Variants in PCDHGA1 observed in about 807,000 individuals in gnomAD.
PCDHGA1 encodes protocadherin gamma subfamily A, 1.
In PCDHGA1, 32 loss-of-function variants were observed where a neutral mutation model predicts 58.0. The observed-to-expected ratio is 0.55, with a 90% CI of 0.42 to 0.74. The LOEUF (loss-of-function observed/expected upper bound fraction) is 0.74, where lower values mean the gene tolerates loss of function less well. Among genes scored for constraint, PCDHGA1 ranks in the 30% least tolerant of loss-of-function variants. PCDHGA1 has a pLI of 0.00. For synonymous variants in PCDHGA1, 498 were observed against 501.1 expected (o/e 0.99, Z 0.08); for missense variants, 1,205 against 1,182.3 (o/e 1.02, Z -0.28).
At chr5:141,360,165 G>T in intron 1 of PCDHGA1, 1 of 1,607,726 alleles carries the variant, frequency 6.2e-7, no homozygotes. Flanking sequence ...GGTGCGGGCT[G>T]GTGCGGTGGC....
At chr5:141,362,492 C>T (rs369530205) in intron 1 of PCDHGA1, 4 of 1,613,902 alleles carry the variant, frequency 2.5e-6, no homozygotes, top group East Asian at 2.2e-5. Flanking sequence ...GACAATGCCT[C>T]TTGGGAACAA....
intron 1 of PCDHGA1, chr5:141,471,417 T>A (rs1174855045): frequency 6.6e-6 from 1 of 152,190 alleles, no homozygotes; most frequent in Non-Finnish European, 1.5e-5. Flanking sequence ...GTTATGTTTT[T>A]AGCAAGGAAA....
intron 1 of PCDHGA1, chr5:141,383,092 C>G (rs200016406): frequency 6.2e-7 from 1 of 1,613,932 alleles, no homozygotes; most frequent in South Asian, 1.1e-5. Context: ...GCGCGGAGTC[C>G]GCATCATCTC....
rs779542409 is a variant in PCDHGA1, at chr5:141,392,788, T to G, written c.2421+59683T>G. The G allele has an allele frequency of 3.9e-6, 6 of 1,553,762 alleles. No individual in the cohort carries two copies. The East Asian group carries it at 1.1e-4, about 30-fold the overall frequency. On this transcript the variant is annotated intron_variant, in intron 1 of 3. Coordinates refer to ENST00000517417, the MANE Select transcript of PCDHGA1 (RefSeq NM_018912.3). ...ACCCATTTATGCACAGTGAAGATTC[T>G]GAGAGGATTCTGCAGCAAAACAACA...
chr5:141,384,752 C>A, intron 1 of PCDHGA1: 1 of 1,614,024 alleles, frequency 6.2e-7, no homozygotes, highest in East Asian at 2.2e-5. Flanking sequence ...GGACTCTTTG[C>A]GGTTGGGCTG....
At chr5:141,479,953 CAGTT>C (rs1198160373) in intron 1 of PCDHGA1, among the ~76,000 whole-genome samples, 1 of 152,182 alleles carries the variant, frequency 6.6e-6, no homozygotes, top group African/African-American at 2.4e-5. Flanking sequence ...TTGGATTTGG[CAGTT>C]AGTCAAATGA....
intron 1 of PCDHGA1, chr5:141,419,118 T>C: frequency 6.2e-7 from 1 of 1,613,806 alleles, no homozygotes; most frequent in South Asian, 1.1e-5. Context: ...GAGTACAACG[T>C]CACCATCGCA....
chr5:141,413,824 A>C, intron 1 of PCDHGA1: 1 of 1,613,112 alleles, frequency 6.2e-7, no homozygotes, highest in South Asian at 1.1e-5. Flanking sequence ...CCTGGTCCTC[A>C]CCGCCTCCGA....
Position 141,486,178 on chromosome 5 carries a change from C to T in PCDHGA1, c.2422-8629C>T, listed in dbSNP as rs767840363. The T allele has an allele frequency of 1.1e-5, 17 of 1,614,076 alleles. No homozygotes were observed. The highest frequency in any genetic ancestry group is 1.4e-5 in the Non-Finnish European group (16 of 1,180,038). ...CTCCAGCCATGGAGCAACATTGCAG[C>T]CTTCGAGTGGATCTGCTGGACGTAA... On this transcript the variant is annotated intron_variant, in intron 1 of 3. Coordinates refer to ENST00000517417, the MANE Select transcript of PCDHGA1 (RefSeq NM_018912.3). The surrounding 1 kb of genome is among the most constrained non-coding windows in gnomAD (Gnocchi z 5.0).
intron 1 of PCDHGA1, chr5:141,409,494 C>G (rs755680835): frequency 6.2e-7 from 1 of 1,614,028 alleles, no homozygotes; most frequent in Non-Finnish European, 8.5e-7. Flanking sequence ...GGCAAGCCGC[C>G]TCTTTCTTCC....
At chr5:141,423,659 A>T (rs369390148) in intron 1 of PCDHGA1, 133 of 1,551,038 alleles carry the variant, frequency 8.6e-5, no homozygotes, top group Non-Finnish European at 1.1e-4. Context: ...ACAAGTAATC[A>T]GGTGAGATTT....
Position 141,511,429 on chromosome 5 carries a change from G to A in PCDHGA1, c.*256G>A, listed in dbSNP as rs1414641314. 1.3e-6 allele frequency: 1 copy of A among 769,620 alleles called. No individual in the cohort carries two copies. The highest frequency in any genetic ancestry group is 2.0e-6 in the Non-Finnish European group (1 of 505,154). The allele number at this position is 769,620 out of a possible 1,614,324, so 47.7% of individuals were successfully genotyped here. On this transcript the variant is annotated 3_prime_UTR_variant, in exon 4 of 4. Transcript: ENST00000517417. The stretch of plus-strand genomic sequence containing the variant: ...CTGCTGTACCCATGGGGGTAGTGGG[G>A]TTACTGTAGACACCAAGAACCATTT...
chr5:141,477,268 C>A lies in PCDHGA1; in HGVS notation c.2422-17539C>A, dbSNP rs2099408532. On this transcript the variant is annotated intron_variant, in intron 1 of 3. Transcript: ENST00000517417. This position sits in a 1 kb window ranked among gnomAD's most constrained non-coding sequence, Gnocchi z 4.9. ...TGACTGACCTGGATGCTGGCGAGAA[C>A]GGGCTGGTGACCTGCGAAGTTCCAC... 1.2e-6 allele frequency: 2 copies of A among 1,614,078 alleles called. No individual in the cohort carries two copies. Among genetic ancestry groups the A allele is most frequent in the Non-Finnish European group, 1.7e-6 (2 of 1,180,038 alleles).
At chr5:141,422,762 C>T in intron 1 of PCDHGA1, 1 of 1,613,392 alleles carries the variant, frequency 6.2e-7, no homozygotes. Flanking sequence ...AACTCCAACA[C>T]TGGTGTTCTC....
At chr5:141,346,135 C>T (rs1447176558) in intron 1 of PCDHGA1, 4 of 1,613,962 alleles carry the variant, frequency 2.5e-6, no homozygotes, top group East Asian at 2.2e-5. Flanking sequence ...GCCGCGGTCT[C>T]CTGCGTCTTC....
At chr5:141,419,325 AC>A (rs768622826) in intron 1 of PCDHGA1, 1 of 1,613,702 alleles carries the variant, frequency 6.2e-7, no homozygotes, top group Non-Finnish European at 8.5e-7. Context: ...CGTGTCTCCT[AC>A]TCTCTCATTG....
At chr5:141,399,075 A>C (rs759361503) in intron 1 of PCDHGA1, 1 of 1,613,868 alleles carries the variant, frequency 6.2e-7, no homozygotes, top group Non-Finnish European at 8.5e-7. Flanking sequence ...TGGTTGTAGA[A>C]GGGAGGGATG....
rs998564450 is a variant in PCDHGA1 at position 141,401,627 on chromosome 5, G to T, written c.2421+68522G>T. The stretch of plus-strand genomic sequence containing the variant: ...AAAAAGACACCGGATTTGTCTTATC[G>T]TTTGGAGCTTTAAATATAAATGACT... On this transcript the variant is annotated intron_variant, in intron 1 of 3. Coordinates refer to ENST00000517417, the MANE Select transcript of PCDHGA1 (RefSeq NM_018912.3). Among the ~76,000 whole-genome samples the T allele has an allele frequency of 2.6e-5, 4 of 152,294 alleles. No homozygotes were observed. In the South Asian group the frequency reaches 8.3e-4, roughly 32 times the overall value.
intron 1 of PCDHGA1, among the ~76,000 whole-genome samples, chr5:141,438,591 CAT>C (rs946798767): frequency 2.9e-3 from 219 of 75,538 alleles, no homozygotes; most frequent in Middle Eastern, 0.016. Context: ...TACATACATA[CAT>C]ATATATATAT....
Sources: allele counts gnomAD v4.1 joint callset (sites outside exome capture counted in the v4.1 genomes callset), GRCh38; gene constraint gnomAD v4.1.1; non-coding constraint Gnocchi (gnomAD v3.1); transcripts MANE v1.5; gene names NCBI Gene and HGNC (gene_info 2026-07-23, HGNC 2026-07-21).